Variants in PLEKHM2 observed in about 807,000 individuals in gnomAD.
The protein encoded by PLEKHM2 is pleckstrin homology and RUN domain containing M2.
A neutral mutation model predicts 116.3 loss-of-function variants in PLEKHM2; 77 were observed. The observed-to-expected ratio is 0.66, with a 90% CI of 0.55 to 0.80. The LOEUF is 0.80. Ranked by LOEUF, PLEKHM2 falls within the 30% of genes least tolerant of loss-of-function variation. PLEKHM2 has a pLI of 0.00. For missense variants in PLEKHM2, 1,183 were observed against 1,354.9 expected, an observed-to-expected ratio of 0.87 and a Z score of 1.99; for synonymous variants, 562 against 571.0, an observed-to-expected ratio of 0.98 and a Z score of 0.22.
At position 15,719,493 on chromosome 1, in the gene PLEKHM2, G is replaced by A. The variant is rs1382839732; in HGVS notation, c.466-241G>A. Among the ~76,000 whole-genome samples the A allele has an allele frequency of 3.3e-5, 5 of 152,030 alleles. No homozygotes were observed. The highest frequency in any genetic ancestry group is 1.2e-4 in the African/African-American group (5 of 41,388). ...AATAGAGAGAGAGAGAGATAGCGGG[G>A]GCATCAAAGGGTGTAGCTGAGTTCT... On this transcript the variant is annotated intron_variant, in intron 5 of 19. Transcript: ENST00000375799. This position sits in a 1 kb window ranked among gnomAD's most constrained non-coding sequence, Gnocchi z 4.1.
In PLEKHM2 at chr1:15,727,329, G is replaced by A; in HGVS notation, c.1257G>A (p.Gly419=). 1 of 1,597,910 alleles carries A rather than the reference G, an allele frequency of 6.3e-7. No individual in the cohort carries two copies. The highest frequency in any genetic ancestry group is 1.3e-5 in the African/African-American group (1 of 74,706). Residue 419 remains glycine (G), a synonymous_variant, in exon 9 of 20, where the codon GGG becomes GGA. Coordinates refer to ENST00000375799, the MANE Select transcript of PLEKHM2 (RefSeq NM_015164.4). This position sits in a 1 kb window ranked among gnomAD's most constrained non-coding sequence, Gnocchi z 7.5. The part of the protein sequence containing the change: ...PLSKVIDQLN[G]QLDPSTWCSR... ...GCAAGGTTATCGACCAGCTCAACGG[G>A]CAGCTGGACCCCAGCACCTGGTGCT... is the stretch of plus-strand genomic sequence containing the variant.
rs949887519 is a variant in PLEKHM2, at chr1:15,734,387, C to T, written c.*453C>T. 15 of 161,494 alleles carry T rather than the reference C, an allele frequency of 9.3e-5. No homozygotes were observed. The highest frequency in any genetic ancestry group is 6.7e-5 in the Non-Finnish European group (5 of 74,400). The allele number at this position is 161,494 out of a possible 1,614,324, so 10.0% of individuals were successfully genotyped here. The stretch of plus-strand genomic sequence containing the variant: ...TCGTGTTTGAACACTCTCCTGGCCA[C>T]GTGGGGAAGCGGGAACACGGGGTGT... On this transcript the variant is annotated 3_prime_UTR_variant, in exon 20 of 20. Coordinates refer to ENST00000375799, the MANE Select transcript of PLEKHM2 (RefSeq NM_015164.4).
At position 15,701,712 on chromosome 1, in the gene PLEKHM2, A is replaced by G. The variant is rs1641117067; in HGVS notation, c.61-14525A>G. On this transcript the variant is annotated intron_variant, in intron 1 of 19. Coordinates refer to ENST00000375799, the MANE Select transcript of PLEKHM2 (RefSeq NM_015164.4). ...AGGCTGAGGCAGGAGAATGGTGTGA[A>G]CCCGGGAGGCGGAGCTTGCAGTGAG... is the stretch of plus-strand genomic sequence containing the variant. Among the ~76,000 whole-genome samples the G allele has an allele frequency of 2.0e-5, 3 of 151,908 alleles. No individual in the cohort carries two copies. The South Asian group carries it at 6.3e-4, about 32-fold the overall frequency.
At chr1:15,682,641 AACAAAAAAAAC>A (rs750539181), upstream of PLEKHM2, among the ~76,000 whole-genome samples, 45,224 of 146,852 alleles carry the variant, frequency 0.31, 8,298 homozygotes, top group African/African-American at 0.51. Context: ...AACAAAACAA[AACAAAAAAAAC>A]AAAAAACAAA....
Position 15,719,830 on chromosome 1 carries a change from G to A in PLEKHM2, c.562G>A (p.Gly188Ser), listed in dbSNP as rs771166429. 58 of 1,613,668 alleles carry A rather than the reference G, an allele frequency of 3.6e-5. No homozygotes were observed. Among genetic ancestry groups the A allele is most frequent in the South Asian group, 8.8e-5 (8 of 91,060 alleles). Residue 188 changes from glycine (G) to serine (S), a missense_variant, in exon 6 of 20, where the codon GGC becomes AGC. By Grantham distance (56) the Gly-to-Ser change is moderately conservative (BLOSUM62 0). Around this residue, in one of 3 missense-constraint regions of PLEKHM2, gnomAD observed 217 missense variants for 277.6 expected, o/e 0.78. Transcript: ENST00000375799. This position sits in a 1 kb window ranked among gnomAD's most constrained non-coding sequence, Gnocchi z 4.1. Reference protein sequence around the residue: ...FEDRLPSSVHGSDSLSLNSFN... With the variant: ...FEDRLPSSVHSSDSLSLNSFN... Reference sequence around the variant, plus strand: ...AGACCGCCTTCCCAGCTCGGTCCACGGCTCAGACAGTCTGTCCCTCAACTC... The same window carrying A: ...AGACCGCCTTCCCAGCTCGGTCCACAGCTCAGACAGTCTGTCCCTCAACTC...
At chr1:15,683,190 G>A (rs1180287161), upstream of PLEKHM2, 4 of 152,746 alleles carry the variant, frequency 2.6e-5, no homozygotes, top group Non-Finnish European at 4.4e-5. Flanking sequence ...CTGAGGAGGG[G>A]AGGCTGTGGA....
Position 15,732,373 on chromosome 1 carries a change from C to T in PLEKHM2, c.2649C>T (p.Pro883=). The change falls in exon 18 of 20, where the codon CCC becomes CCT. Residue 883 remains proline, a synonymous_variant. Coordinates refer to ENST00000375799, the MANE Select transcript of PLEKHM2 (RefSeq NM_015164.4). ...SKGVIPQGVA[P]SPCIPCCLVL... ...AGGTCATCCCCCAGGGCGTAGCTCC[C>T]AGCCCCTGCATACCCTGCTGCCTGG... The T allele has an allele frequency of 6.4e-7, 1 of 1,556,918 alleles. No homozygotes were observed. The highest frequency in any genetic ancestry group is 8.7e-7 in the Non-Finnish European group (1 of 1,150,418).
chr1:15,730,705 G>C lies in PLEKHM2; in HGVS notation c.2382G>C (p.Thr794=), dbSNP rs1455349103. The change falls in exon 15 of 20, where the codon ACG becomes ACC. Residue 794 remains threonine (T), a synonymous_variant. Transcript: ENST00000375799. ...TSYLGKEHWK[T]CFVVLSNGIL... ...ACCTGGGCAAGGAACACTGGAAGAC[G>C]TGCTTCGTGGTGCTCAGGTGGGAGC... 6.3e-7 allele frequency: 1 copy of C among 1,599,744 alleles called. No homozygotes were observed. Among genetic ancestry groups the C allele is most frequent in the Non-Finnish European group, 8.5e-7 (1 of 1,173,600 alleles).
At chr1:15,708,229 C>A (rs1237981704) in intron 1 of PLEKHM2, among the ~76,000 whole-genome samples, 2 of 140,754 alleles carry the variant, frequency 1.4e-5, no homozygotes, top group Non-Finnish European at 3.1e-5. Flanking sequence ...TTTCTTTTTT[C>A]TTTTTTTTTA....
At position 15,732,596 on chromosome 1, in the gene PLEKHM2, GCCTGGCTCTC is replaced by G; in HGVS notation, c.2806-12_2806-3del. The G allele has an allele frequency of 6.3e-7, 1 of 1,597,508 alleles. No individual in the cohort carries two copies. The highest frequency in any genetic ancestry group is 8.5e-7 in the Non-Finnish European group (1 of 1,172,072). On this transcript the variant is annotated splice_polypyrimidine_tract_variant and splice_region_variant and intron_variant, in intron 18 of 19. Coordinates refer to ENST00000375799, the MANE Select transcript of PLEKHM2 (RefSeq NM_015164.4). The stretch of plus-strand genomic sequence containing the variant: ...GAAAGCTCTGGCTGCTCACCCGGGG[GCCTGGCTCTC>G]CCTAGGAGTTCTCCCAGGACAGCCA...
At chr1:15,694,526 C>A (rs967553328) in intron 1 of PLEKHM2, among the ~76,000 whole-genome samples, 1 of 152,130 alleles carries the variant, frequency 6.6e-6, no homozygotes, top group Non-Finnish European at 1.5e-5. Flanking sequence ...CCAGCCCTAT[C>A]CTCCTTGGTG....
chr1:15,729,024 GCTCAGCCTGGCCAAGCTGCCTT>G lies in PLEKHM2; in HGVS notation c.1987-74_1987-53del. On this transcript the variant is annotated intron_variant, in intron 12 of 19. Transcript: ENST00000375799. This position sits in a 1 kb window ranked among gnomAD's most constrained non-coding sequence, Gnocchi z 4.7. ...GTGTGCTTCTTCCTCCCCAGCAAGCGCTCAGCCTGGCCAAGCTGCCTTCTCCGCCAGGCAGCAGCTAAGCCCC... is the reference window on the plus strand; with the variant it reads ...GTGTGCTTCTTCCTCCCCAGCAAGCGCTCCGCCAGGCAGCAGCTAAGCCCC... The G allele has an allele frequency of 2.2e-6, 3 of 1,338,370 alleles. No homozygotes were observed. Among genetic ancestry groups the G allele is most frequent in the Non-Finnish European group, 3.1e-6 (3 of 953,760 alleles). The allele number at this position is 1,338,370 out of a possible 1,614,324, so 82.9% of individuals were successfully genotyped here.
Position 15,719,661 on chromosome 1 carries a change from TG to T in PLEKHM2, c.466-71del. On this transcript the variant is annotated intron_variant, in intron 5 of 19. Transcript: ENST00000375799. This position sits in a 1 kb window ranked among gnomAD's most constrained non-coding sequence, Gnocchi z 4.1. The stretch of plus-strand genomic sequence containing the variant: ...GAGGCACATCTGTGTCTCCCAGGCC[TG>T]GATCCTGCTGTCTGCAGAAGGCCGC... 2.0e-6 allele frequency: 2 copies of T among 1,009,842 alleles called. No individual in the cohort carries two copies. Among genetic ancestry groups the T allele is most frequent in the Non-Finnish European group, 3.0e-6 (2 of 656,730 alleles). The allele number at this position is 1,009,842 out of a possible 1,614,324, so 62.6% of individuals were successfully genotyped here. A position where few individuals can be genotyped will look rare whatever the true frequency, so the allele number is the denominator to read the frequency against.
intron 19 of PLEKHM2, 97 bp downstream of exon 19, chr1:15,732,825 C>A: frequency 1.2e-6 from 1 of 830,230 alleles, no homozygotes; most frequent in African/African-American, 1.7e-5. Context: ...GGACTTGGCC[C>A]TGCCTCCAGG....
intron 1 of PLEKHM2, among the ~76,000 whole-genome samples, chr1:15,710,123 A>G (rs796853305): frequency 8.0e-5 from 12 of 149,616 alleles, no homozygotes; most frequent in African/African-American, 2.9e-4. Context: ...GCTACTCGGG[A>G]GGCTGAGGCA....
chr1:15,725,845 G>A (rs537874093), intron 8 of PLEKHM2: 69 of 435,662 alleles, frequency 1.6e-4, no homozygotes, highest in Admixed American at 3.0e-4. Flanking sequence ...AGCCTCTGAT[G>A]AGGGATTCAC....
At chr1:15,713,637 T>A (rs910654601) in intron 1 of PLEKHM2, among the ~76,000 whole-genome samples, 2 of 152,010 alleles carry the variant, frequency 1.3e-5, no homozygotes, top group African/African-American at 4.8e-5. Flanking sequence ...TTTGTTTGTT[T>A]TTTGTTTTTT....
intron 1 of PLEKHM2, among the ~76,000 whole-genome samples, chr1:15,693,605 G>T (rs1310901556): frequency 6.6e-6 from 1 of 152,212 alleles, no homozygotes; most frequent in Non-Finnish European, 1.5e-5. Flanking sequence ...TTCAGACGGG[G>T]CTGACTGTCT....
Position 15,734,628 on chromosome 1 carries a change from A to G in PLEKHM2, c.*694A>G, listed in dbSNP as rs148967579. On this transcript the variant is annotated 3_prime_UTR_variant, in exon 20 of 20. Transcript: ENST00000375799. The stretch of plus-strand genomic sequence containing the variant: ...GAAGGGCGGAGCCCACCAGCCTGGC[A>G]TCCATGTTGACATCTTCTGACTGTC... 6.9e-4 allele frequency: 105 copies of G among 152,406 alleles called. No individual in the cohort carries two copies. In the East Asian group the frequency reaches 0.019, roughly 27 times the overall value. The allele number at this position is 152,406 out of a possible 1,614,324, so 9.4% of individuals were successfully genotyped here.
Sources: gnomAD v4.1 joint callset for allele counts (sites outside exome capture counted in the v4.1 genomes callset) on GRCh38, gnomAD v4.1.1 for gene constraint, gnomAD v4.1.1 regional missense constraint, Gnocchi (gnomAD v3.1) non-coding constraint, MANE v1.5 for transcripts, NCBI Gene and HGNC (gene_info 2026-07-23, HGNC 2026-07-21) for gene names.